Variants in ZNF649 observed in about 807,000 individuals in gnomAD.
The protein encoded by ZNF649 is zinc finger protein 649.
Under a neutral mutation model 14.1 loss-of-function variants are expected in ZNF649, and 7 were observed. That is an observed-to-expected ratio of 0.49 (90% CI 0.28 to 0.93). The LOEUF is 0.93. ZNF649 is among the 40% of genes least tolerant of loss of function. The probability of loss-of-function intolerance (pLI) is 0.10; values close to 1 mark genes in which losing one functional copy is unlikely to be tolerated. For synonymous variants in ZNF649, 227 were observed against 212.3 expected (o/e 1.07, Z -0.60); for missense variants, 544 against 608.1 (o/e 0.89, Z 1.11).
rs1416233356 is a variant in ZNF649 at position 51,899,883 on chromosome 19, C to T, written c.15+210G>A. The T allele has an allele frequency of 1.2e-5, 5 of 407,070 alleles. No individual in the cohort carries two copies. In the Middle Eastern group the frequency reaches 1.9e-3, roughly 153 times the overall value. The allele number at this position is 407,070 out of a possible 1,614,324, so 25.2% of individuals were successfully genotyped here. Reference sequence around the variant, plus strand: ...GCCAACAGGGTCTGGCAGAGTCGCACATTATATTCCAACACTGGTCACATG... The same window carrying T: ...GCCAACAGGGTCTGGCAGAGTCGCATATTATATTCCAACACTGGTCACATG... On this transcript the variant is annotated intron_variant, in intron 2 of 4. Coordinates refer to ENST00000354957, the MANE Select transcript of ZNF649 (RefSeq NM_023074.4).
intron 1 of ZNF649, among the ~76,000 whole-genome samples, chr19:51,901,666 A>AT (rs964363865): frequency 5.9e-5 from 9 of 151,910 alleles, no homozygotes; most frequent in African/African-American, 1.9e-4. Flanking sequence ...AAAATAAAAA[A>AT]AAATAAAGGC....
At chr19:51,903,252 G>A (rs2122775568) in intron 1 of ZNF649, among the ~76,000 whole-genome samples, 1 of 152,088 alleles carries the variant, frequency 6.6e-6, no homozygotes, top group Admixed American at 6.5e-5. Context: ...GTTTCATTAT[G>A]TGGGCATACT....
rs138943378 is a variant in ZNF649 at position 51,897,897 on chromosome 19, G to A, written c.16-919C>T. On this transcript the variant is annotated intron_variant, in intron 2 of 4. Coordinates refer to ENST00000354957, the MANE Select transcript of ZNF649 (RefSeq NM_023074.4). Reference sequence around the variant, plus strand: ...AGCACTTTGGGAGGCAAAGGTGGGCGGATCACCCGAGGTCAGGAGTTTGAG... The same window carrying A: ...AGCACTTTGGGAGGCAAAGGTGGGCAGATCACCCGAGGTCAGGAGTTTGAG... 8.4e-3 allele frequency among the ~76,000 whole-genome samples: 1,284 copies of A among 152,050 alleles called. 5 individuals are homozygous for A. The highest frequency in any genetic ancestry group is 0.015 in the Non-Finnish European group (1,005 of 67,956).
chr19:51,896,606 A>G (rs1279775848), intron 3 of ZNF649, 39 bp from the exon 4 acceptor site: 1 of 1,600,666 alleles, frequency 6.2e-7, no homozygotes, highest in East Asian at 2.2e-5. Context: ...GGCTCACTGA[A>G]TTGCACCACG....
intron 1 of ZNF649, among the ~76,000 whole-genome samples, chr19:51,902,680 T>A (rs2085101245): frequency 6.7e-6 from 1 of 148,690 alleles, no homozygotes; most frequent in African/African-American, 2.6e-5. Context: ...ATCATCTGAA[T>A]CATCAGAATT....
intron 3 of ZNF649, 140 bp from the exon 4 acceptor site, chr19:51,896,707 A>G: frequency 6.3e-7 from 1 of 1,579,166 alleles, no homozygotes; most frequent in South Asian, 1.1e-5. Flanking sequence ...ACGAAGGAAG[A>G]TTATGCCTCT....
At chr19:51,894,652 A>G (rs2085047675) in intron 4 of ZNF649, among the ~76,000 whole-genome samples, 1 of 152,250 alleles carries the variant, frequency 6.6e-6, no homozygotes, top group Non-Finnish European at 1.5e-5. Flanking sequence ...AACTTTGTAT[A>G]GCCCTGAATT....
chr19:51,896,900 G>C lies in ZNF649; in HGVS notation c.94C>G (p.Leu32Val). 6.2e-7 allele frequency: 1 copy of C among 1,614,146 alleles called. No homozygotes were observed. The highest frequency in any genetic ancestry group is 1.1e-5 in the South Asian group (1 of 91,082). ...TTCTCCAACATCACATCCCGGTACA[G>C]GTCCTTCTGAGCAGGGCTCAGGAAC... ...WQFLSPAQKD[L>V]YRDVMLENYS... The change falls in exon 3 of 5, where the codon CTG becomes GTG. Residue 32 changes from leucine (L) to valine (V), a missense_variant. Leu to Val is a conservative substitution (Grantham distance 32). Transcript: ENST00000354957.
In ZNF649 at chr19:51,894,290, G is replaced by C. The variant is rs143886160; in HGVS notation, c.238+2182C>G. ...TGGGATGACAGGCACGTGCCACCAC[G>C]CCTGGCTAATTTTTTGTATTTTATG... On this transcript the variant is annotated intron_variant, in intron 4 of 4. Transcript: ENST00000354957. Among the ~76,000 whole-genome samples, 847 of 152,076 alleles carry C rather than the reference G, an allele frequency of 5.6e-3. 5 individuals are homozygous for C. The highest frequency in any genetic ancestry group is 0.019 in the African/African-American group (793 of 41,478).
chr19:51,897,128 T>C lies in ZNF649; in HGVS notation c.16-150A>G, dbSNP rs542794783. ...GAATGGTTTCAGGATGCCCCACATA[T>C]ACCGAAATTGTGCATACTCATGACC... is the stretch of plus-strand genomic sequence containing the variant. On this transcript the variant is annotated intron_variant, in intron 2 of 4. Coordinates refer to ENST00000354957, the MANE Select transcript of ZNF649 (RefSeq NM_023074.4). 6 of 1,091,832 alleles carry C rather than the reference T, an allele frequency of 5.5e-6. No individual in the cohort carries two copies. In the African/African-American group the frequency reaches 6.3e-5, roughly 11 times the overall value. 67.6% of individuals were successfully genotyped at this position (1,091,832 alleles called of 1,614,324 possible). A position where few individuals can be genotyped will look rare whatever the true frequency, so the allele number is the denominator to read the frequency against.
rs181493783 is a variant in ZNF649 at position 51,890,651 on chromosome 19, C to T, written c.1485G>A (p.Gly495=). The change falls in exon 5 of 5, where the codon GGG becomes GGA. Residue 495 remains glycine (G), a synonymous_variant. Coordinates refer to ENST00000354957, the MANE Select transcript of ZNF649 (RefSeq NM_023074.4). ...GCAGGATGTGGGCAAACTCACACTG[C>T]CCTGCCACCATTGCCACAGTTACCA... The part of the protein sequence containing the change: ...VNMVTVAMVA[G]QCEFAHILHS 302 of 1,613,708 alleles carry T rather than the reference C, an allele frequency of 1.9e-4. No homozygotes were observed. Among genetic ancestry groups the T allele is most frequent in the Admixed American group, 5.2e-4 (31 of 60,028 alleles).
At position 51,890,453 on chromosome 19, in the gene ZNF649, A is replaced by G. The variant is rs1488741307; in HGVS notation, c.*165T>C. The G allele has an allele frequency of 5.3e-6, 3 of 562,376 alleles. No homozygotes were observed. The highest frequency in any genetic ancestry group is 3.7e-5 in the African/African-American group (2 of 53,342). The allele number at this position is 562,376 out of a possible 1,614,324, so 34.8% of individuals were successfully genotyped here. Reference sequence around the variant, plus strand: ...TGATCAAGATAGTAAATGAAAAACAATATTGTGGGAGGGGTAGTGAGGTTT... The same window carrying G: ...TGATCAAGATAGTAAATGAAAAACAGTATTGTGGGAGGGGTAGTGAGGTTT... On this transcript the variant is annotated 3_prime_UTR_variant, in exon 5 of 5. Coordinates refer to ENST00000354957, the MANE Select transcript of ZNF649 (RefSeq NM_023074.4).
chr19:51,900,338 G>A (rs957520080), intron 1 of ZNF649, 44 bp from the exon 2 acceptor site: 40 of 400,160 alleles, frequency 1.0e-4, no homozygotes, highest in South Asian at 4.7e-4. Context: ...CATTCCCTCC[G>A]GGCCCAGATG....
rs2085007830 is a variant in ZNF649 at position 51,890,038 on chromosome 19, A to C, written c.*580T>G. The C allele has an allele frequency of 2.0e-5, 3 of 152,252 alleles. No homozygotes were observed. The highest frequency in any genetic ancestry group is 4.4e-5 in the Non-Finnish European group (3 of 68,088). 9.4% of individuals were successfully genotyped at this position (152,252 alleles called of 1,614,324 possible). On this transcript the variant is annotated 3_prime_UTR_variant, in exon 5 of 5. Coordinates refer to ENST00000354957, the MANE Select transcript of ZNF649 (RefSeq NM_023074.4). Reference sequence around the variant, plus strand: ...TAGGTTAAAAGTAAAACCATGATAAATAAAGATATGAAAGATATAACAGGG... The same window carrying C: ...TAGGTTAAAAGTAAAACCATGATAACTAAAGATATGAAAGATATAACAGGG...
intron 2 of ZNF649, among the ~76,000 whole-genome samples, chr19:51,899,375 G>A (rs2085082596): frequency 6.6e-6 from 1 of 152,100 alleles, no homozygotes; most frequent in African/African-American, 2.4e-5. Flanking sequence ...TTGCCAAAGA[G>A]AACTTTCAAC....
At position 51,903,357 on chromosome 19, in the gene ZNF649, G is replaced by A. The variant is rs140568133; in HGVS notation, c.-188+1557C>T. Among the ~76,000 whole-genome samples the A allele has an allele frequency of 2.3e-3, 346 of 152,192 alleles. 1 individual carries two copies. The highest frequency in any genetic ancestry group is 4.0e-3 in the Non-Finnish European group (273 of 68,016). Reference sequence around the variant, plus strand: ...TTCCAACCCTCAAATGACATGGTTAGTTGCCCTGGCAACCAGCCTCCCCCG... The same window carrying A: ...TTCCAACCCTCAAATGACATGGTTAATTGCCCTGGCAACCAGCCTCCCCCG... On this transcript the variant is annotated intron_variant, in intron 1 of 4. Transcript: ENST00000354957.
At chr19:51,899,170 G>GCCAAGAA (rs1422421878) in intron 2 of ZNF649, among the ~76,000 whole-genome samples, 1 of 152,188 alleles carries the variant, frequency 6.6e-6, no homozygotes, top group African/African-American at 2.4e-5. Context: ...GGAGCTCTGT[G>GCCAAGAA]CCAAGAACCA....
rs547961062 is a variant in ZNF649 at position 51,901,352 on chromosome 19, T to C, written c.-187-1058A>G. Among the ~76,000 whole-genome samples, 3 of 152,328 alleles carry C rather than the reference T, an allele frequency of 2.0e-5. No homozygotes were observed. In the East Asian group the frequency reaches 5.8e-4, roughly 29 times the overall value. ...CTAAGCTCCCAAATGCCAGCTGCTA[T>C]GGTTTGAATGTTTGTGTCCTCCAAA... On this transcript the variant is annotated intron_variant, in intron 1 of 4. Coordinates refer to ENST00000354957, the MANE Select transcript of ZNF649 (RefSeq NM_023074.4).
Position 51,889,969 on chromosome 19 carries a change from G to A in ZNF649, c.*649C>T, listed in dbSNP as rs2085007489. ...CTGGATAAAAAAGGAAGGCCCAACT[G>A]TATGTTGCCCACTAAACACCCACTT... On this transcript the variant is annotated 3_prime_UTR_variant, in exon 5 of 5. Transcript: ENST00000354957. The A allele has an allele frequency of 6.6e-6, 1 of 152,202 alleles. No homozygotes were observed. Among genetic ancestry groups the A allele is most frequent in the Admixed American group, 6.5e-5 (1 of 15,282 alleles). The allele number at this position is 152,202 out of a possible 1,614,324, so 9.4% of individuals were successfully genotyped here.
Sources: gnomAD v4.1 joint callset for allele counts (sites outside exome capture counted in the v4.1 genomes callset) on GRCh38, gnomAD v4.1.1 for gene constraint, MANE v1.5 for transcripts, NCBI Gene and HGNC (gene_info 2026-07-23, HGNC 2026-07-21) for gene names.